Variants in CLIC4 observed in about 807,000 individuals in gnomAD.
The protein encoded by CLIC4 is CLIC family member 4.
A neutral mutation model predicts 24.6 loss-of-function variants in CLIC4; 13 were observed. That is an observed-to-expected ratio of 0.53 (90% CI 0.34 to 0.84). The LOEUF (loss-of-function observed/expected upper bound fraction) is 0.84. Among genes scored for constraint, CLIC4 ranks in the 40% least tolerant of loss-of-function variants. The pLI is 0.01. For missense variants in CLIC4, 227 were observed against 301.7 expected (o/e 0.75, Z 1.83); for synonymous variants, 104 against 111.3 (o/e 0.93, Z 0.41).
chr1:24,802,026 TAG>T (rs1639495695), intron 2 of CLIC4, among the ~76,000 whole-genome samples: 1 of 152,148 alleles, frequency 6.6e-6, no homozygotes, highest in South Asian at 2.1e-4. Flanking sequence ...CTCCTAAAAA[TAG>T]AGTGTGCCAC....
rs983522224 is a variant in CLIC4 at position 24,826,412 on chromosome 1, G to A, written c.309-598G>A. 9.8e-5 allele frequency among the ~76,000 whole-genome samples: 15 copies of A among 152,296 alleles called. No individual in the cohort carries two copies. In the East Asian group the frequency reaches 1.5e-3, roughly 16 times the overall value. ...GACCAGCCTAGGCGCTTTTCCTGCC[G>A]TTGGGGTTCTCTGGCTGGTTTAGTG... On this transcript the variant is annotated intron_variant, in intron 3 of 5. Transcript: ENST00000374379.
At chr1:24,784,539 C>G (rs182212493) in intron 1 of CLIC4, among the ~76,000 whole-genome samples, 1 of 152,264 alleles carries the variant, frequency 6.6e-6, no homozygotes, top group East Asian at 1.9e-4. Flanking sequence ...ATAGTCTGTC[C>G]TGGAGTTTCT....
intron 1 of CLIC4, among the ~76,000 whole-genome samples, chr1:24,791,078 G>A (rs1639328444): frequency 6.6e-6 from 1 of 152,106 alleles, no homozygotes; most frequent in Non-Finnish European, 1.5e-5. Context: ...AATGGTTCAA[G>A]GGTAAGGGAA....
chr1:24,822,341 C>CTTTTTTTTTTTTTTTTT (rs71032865), intron 3 of CLIC4, among the ~76,000 whole-genome samples: 2 of 75,464 alleles, frequency 2.7e-5, no homozygotes, highest in Non-Finnish European at 2.6e-5. Context: ...TCAGTGAATT[C>CTTTTTTTTTTTTTTTTT]TTTTTTTTTT....
chr1:24,827,881 C>T (rs939860582), intron 4 of CLIC4, among the ~76,000 whole-genome samples: 9 of 152,070 alleles, frequency 5.9e-5, no homozygotes, highest in South Asian at 2.1e-4. Flanking sequence ...CTTTTCTCTT[C>T]GGGATGTTAA....
At chr1:24,748,545 T>C (rs35712220) in intron 1 of CLIC4, among the ~76,000 whole-genome samples, 1 of 146,226 alleles carries the variant, frequency 6.8e-6, no homozygotes, top group South Asian at 2.3e-4. Flanking sequence ...TCTCGCTCTG[T>C]CACCCTGGCT....
chr1:24,775,224 CTTTTTTTTT>C, intron 1 of CLIC4, among the ~76,000 whole-genome samples: 1 of 90,656 alleles, frequency 1.1e-5, no homozygotes, highest in Non-Finnish European at 2.1e-5. Context: ...TTCTTTCTTT[CTTTTTTTTT>C]TTTTTTTTTT....
Position 24,785,213 on chromosome 1 carries a change from C to T in CLIC4, c.73-12529C>T, listed in dbSNP as rs1035735935. On this transcript the variant is annotated intron_variant, in intron 1 of 5. Transcript: ENST00000374379. ...GAATAAAGCAATCTAGGGATTCTAACCACTAAGTGCTGGAACTGAAGAATC... is the reference window on the plus strand; with the variant it reads ...GAATAAAGCAATCTAGGGATTCTAATCACTAAGTGCTGGAACTGAAGAATC... Among the ~76,000 whole-genome samples the T allele has an allele frequency of 4.6e-5, 7 of 151,826 alleles. No homozygotes were observed. In the East Asian group the frequency reaches 1.4e-3, roughly 29 times the overall value.
At chr1:24,839,468 T>A (rs1411194000) in intron 4 of CLIC4, among the ~76,000 whole-genome samples, 1 of 152,046 alleles carries the variant, frequency 6.6e-6, no homozygotes, top group African/African-American at 2.4e-5. Flanking sequence ...CCCGGCTAAT[T>A]TTTTGTATTT....
intron 1 of CLIC4, among the ~76,000 whole-genome samples, chr1:24,778,824 A>AAAAC (rs1323027866): frequency 6.6e-6 from 1 of 152,204 alleles, no homozygotes; most frequent in East Asian, 1.9e-4. Context: ...AGTTTGTTTT[A>AAAAC]AAAAGTGGTT....
At chr1:24,831,948 C>T (rs950551225) in intron 4 of CLIC4, among the ~76,000 whole-genome samples, 1 of 152,160 alleles carries the variant, frequency 6.6e-6, no homozygotes, top group Admixed American at 6.5e-5. Flanking sequence ...CATGCATTCA[C>T]TGCCTTTAAT....
chr1:24,841,689 C>T lies in CLIC4; in HGVS notation c.*752C>T, dbSNP rs1639945347. On this transcript the variant is annotated 3_prime_UTR_variant, in exon 6 of 6. Transcript: ENST00000374379. ...TCTTTAGAAGAGAAACTGATGGGCA[C>T]CTGATACTCTGTCTAAATACGTTTG... The T allele has an allele frequency of 6.6e-6, 1 of 152,494 alleles. No individual in the cohort carries two copies. Among genetic ancestry groups the T allele is most frequent in the African/African-American group, 2.4e-5 (1 of 41,452 alleles). 9.4% of individuals were successfully genotyped at this position (152,494 alleles called of 1,614,324 possible).
chr1:24,837,938 G>T (rs1387305743), intron 4 of CLIC4, among the ~76,000 whole-genome samples: 2 of 152,002 alleles, frequency 1.3e-5, no homozygotes, highest in Non-Finnish European at 2.9e-5. Context: ...CCATGGTTTC[G>T]GTGTTCATTT....
chr1:24,839,282 A>G (rs1363777971), intron 4 of CLIC4, among the ~76,000 whole-genome samples: 4 of 152,104 alleles, frequency 2.6e-5, no homozygotes, highest in African/African-American at 9.7e-5. Flanking sequence ...ATTTGTGTTC[A>G]TGTGTGGGAC....
At chr1:24,838,806 T>C (rs544231589) in intron 4 of CLIC4, among the ~76,000 whole-genome samples, 1 of 152,278 alleles carries the variant, frequency 6.6e-6, no homozygotes, top group African/African-American at 2.4e-5. Flanking sequence ...TTTCCAGATA[T>C]ACAGTGGTGC....
At chr1:24,751,253 G>C (rs1196835763) in intron 1 of CLIC4, among the ~76,000 whole-genome samples, 4 of 137,072 alleles carry the variant, frequency 2.9e-5, no homozygotes, top group African/African-American at 8.5e-5. Context: ...ACTGTTACCC[G>C]GGCTGGAGTG....
chr1:24,749,073 G>A (rs780628840), intron 1 of CLIC4, among the ~76,000 whole-genome samples: 9 of 152,022 alleles, frequency 5.9e-5, no homozygotes, highest in Admixed American at 1.3e-4. Context: ...AATTAGCCAC[G>A]CATAGTGGTG....
chr1:24,790,135 G>A (rs756101752), intron 1 of CLIC4, among the ~76,000 whole-genome samples: 1 of 152,184 alleles, frequency 6.6e-6, no homozygotes, highest in Non-Finnish European at 1.5e-5. Flanking sequence ...GCAGTGGCGC[G>A]ATCTCAGCTC....
At chr1:24,798,663 T>C (rs925566060) in intron 2 of CLIC4, among the ~76,000 whole-genome samples, 2 of 151,308 alleles carry the variant, frequency 1.3e-5, no homozygotes, top group African/African-American at 4.9e-5. Context: ...TCCCTCTCTT[T>C]CCACGGTCTC....
Sources: allele counts gnomAD v4.1 joint callset (sites outside exome capture counted in the v4.1 genomes callset), GRCh38; gene constraint gnomAD v4.1.1; transcripts MANE v1.5; gene names NCBI Gene and HGNC (gene_info 2026-07-23, HGNC 2026-07-21).